The following FARS2 variants were observed in gnomAD, a reference collection of about 807,000 sequenced individuals.
FARS2 encodes the protein phenylalanyl-tRNA synthetase 2, mitochondrial, also known as phenylalanine--tRNA ligase, mitochondrial.
A neutral mutation model predicts 46.4 loss-of-function variants in FARS2; 40 were observed. That is an observed-to-expected ratio of 0.86 (90% CI 0.67 to 1.12). The LOEUF (loss-of-function observed/expected upper bound fraction) is 1.12, where lower values mean the gene tolerates loss of function less well. Among genes scored for constraint, FARS2 ranks in the 50% most tolerant of loss-of-function variants. The pLI is 0.00. For missense variants in FARS2, 513 were observed against 567.9 expected, an observed-to-expected ratio of 0.90 and a Z score of 0.98; for synonymous variants, 234 against 214.9, an observed-to-expected ratio of 1.09 and a Z score of -0.78.
chr6:5,491,500 A>T (rs1001475940), intron 4 of FARS2, among the ~76,000 whole-genome samples: 5 of 152,150 alleles, frequency 3.3e-5, no homozygotes, highest in Non-Finnish European at 5.9e-5. Flanking sequence ...TGCGCCATTG[A>T]TGGTAATCCT....
At chr6:5,536,042 T>C (rs1178978597) in intron 4 of FARS2, among the ~76,000 whole-genome samples, 1 of 151,558 alleles carries the variant, frequency 6.6e-6, no homozygotes, top group Non-Finnish European at 1.5e-5. Context: ...CCTCTAGTTT[T>C]AATTTATCTT....
chr6:5,761,062 A>G (rs1413674677), intron 6 of FARS2, among the ~76,000 whole-genome samples: 1 of 152,202 alleles, frequency 6.6e-6, no homozygotes, highest in Non-Finnish European at 1.5e-5. Flanking sequence ...CCTTGCCACC[A>G]GTACCTCTGG....
intron 6 of FARS2, among the ~76,000 whole-genome samples, chr6:5,635,571 T>C (rs1776503231): frequency 6.6e-6 from 1 of 152,114 alleles, no homozygotes; most frequent in East Asian, 1.9e-4. Flanking sequence ...GTAAGTGTTA[T>C]AGGATGCAGG....
intron 6 of FARS2, among the ~76,000 whole-genome samples, chr6:5,743,283 C>T (rs1761454992): frequency 1.3e-5 from 2 of 152,076 alleles, no homozygotes; most frequent in South Asian, 4.2e-4. Flanking sequence ...TTCAAATGAC[C>T]ACATTGGAAA....
chr6:5,277,109 C>G (rs953180181), intron 1 of FARS2, among the ~76,000 whole-genome samples: 1 of 152,112 alleles, frequency 6.6e-6, no homozygotes, highest in Non-Finnish European at 1.5e-5. Flanking sequence ...CAAATGGTGA[C>G]TGAAGAAGAA....
In FARS2 at chr6:5,591,374, T is replaced by C. The variant is rs564146160; in HGVS notation, c.1066-21795T>C. Among the ~76,000 whole-genome samples, 11 of 152,310 alleles carry C rather than the reference T, an allele frequency of 7.2e-5. No individual in the cohort carries two copies. In the East Asian group the frequency reaches 2.1e-3, roughly 29 times the overall value. ...ATTGAATATGAGAAGAAATCTTACG[T>C]CCCCTCCGCAACTTACATCAGCTTC... On this transcript the variant is annotated intron_variant, in intron 5 of 6. Transcript: ENST00000274680.
At chr6:5,756,107 T>A (rs1762190245) in intron 6 of FARS2, among the ~76,000 whole-genome samples, 1 of 152,224 alleles carries the variant, frequency 6.6e-6, no homozygotes, top group Non-Finnish European at 1.5e-5. Flanking sequence ...TTGGTTCATG[T>A]CGGCCAAAGC....
intron 4 of FARS2, among the ~76,000 whole-genome samples, chr6:5,543,047 A>G (rs965328442): frequency 6.6e-6 from 1 of 152,130 alleles, no homozygotes; most frequent in Non-Finnish European, 1.5e-5. Context: ...AAAAATGTCA[A>G]TTATGTTGTT....
At chr6:5,722,512 T>C (rs2150922749) in intron 6 of FARS2, among the ~76,000 whole-genome samples, 1 of 152,218 alleles carries the variant, frequency 6.6e-6, no homozygotes, top group South Asian at 2.1e-4. Context: ...ACGTTTAAGA[T>C]GAAACTTAAG....
At chr6:5,367,046 C>A (rs1327145411) in intron 1 of FARS2, among the ~76,000 whole-genome samples, 1 of 152,210 alleles carries the variant, frequency 6.6e-6, no homozygotes, top group Non-Finnish European at 1.5e-5. Context: ...AAATGTCTCC[C>A]ATGATGACAG....
chr6:5,252,069 C>A, the FARS2 span, among the ~76,000 whole-genome samples: 2 of 152,186 alleles, frequency 1.3e-5, no homozygotes, highest in Non-Finnish European at 2.9e-5. Flanking sequence ...CGAGACCTGA[C>A]GTTGATCAGC....
At chr6:5,710,564 G>C (rs1349485728) in intron 6 of FARS2, among the ~76,000 whole-genome samples, 2 of 152,172 alleles carry the variant, frequency 1.3e-5, no homozygotes, top group Non-Finnish European at 2.9e-5. Context: ...TCACTTCCCC[G>C]GGGGGCTTCC....
chr6:5,582,874 C>T (rs1253423764), intron 5 of FARS2, among the ~76,000 whole-genome samples: 1 of 152,174 alleles, frequency 6.6e-6, no homozygotes, highest in African/African-American at 2.4e-5. Context: ...CTTGCAGGTT[C>T]CATGATGGTT....
chr6:5,618,531 A>C (rs1490184612), intron 6 of FARS2, among the ~76,000 whole-genome samples: 1 of 152,246 alleles, frequency 6.6e-6, no homozygotes, highest in Non-Finnish European at 1.5e-5. Context: ...TTTCTGAACA[A>C]AAACAGATCC....
intron 6 of FARS2, among the ~76,000 whole-genome samples, chr6:5,661,845 T>C (rs1473768838): frequency 1.4e-5 from 2 of 146,378 alleles, no homozygotes; most frequent in African/African-American, 5.3e-5. Flanking sequence ...TGTAAAAGTG[T>C]AATAAACTTC....
At chr6:5,513,095 G>A (rs558898828) in intron 4 of FARS2, among the ~76,000 whole-genome samples, 1 of 152,310 alleles carries the variant, frequency 6.6e-6, no homozygotes, top group South Asian at 2.1e-4. Flanking sequence ...TTTCCTAGGG[G>A]AGAGGGTGGA....
chr6:5,414,724 T>G (rs1322149706), intron 3 of FARS2, among the ~76,000 whole-genome samples: 1 of 152,070 alleles, frequency 6.6e-6, no homozygotes, highest in Non-Finnish European at 1.5e-5. Context: ...TATAAATATT[T>G]GTGGACAAGT....
intron 6 of FARS2, among the ~76,000 whole-genome samples, chr6:5,722,792 T>C (rs966877411): frequency 2.6e-5 from 4 of 151,982 alleles, no homozygotes; most frequent in Non-Finnish European, 4.4e-5. Flanking sequence ...TCAGGAAGTC[T>C]CCCCTCACCC....
chr6:5,466,975 A>G (rs1765549554), intron 4 of FARS2: 1 of 985,332 alleles, frequency 1.0e-6, no homozygotes, highest in African/African-American at 1.7e-5. Context: ...AGAGGCACAT[A>G]TTCTTCAGTT....
Sources: gnomAD v4.1 joint callset for allele counts (sites outside exome capture counted in the v4.1 genomes callset) on GRCh38, gnomAD v4.1.1 for gene constraint, MANE v1.5 for transcripts, NCBI Gene and HGNC (gene_info 2026-07-23, HGNC 2026-07-21) for gene names.